LONP1: variants seen among roughly 807,000 people sequenced by gnomAD.
LONP1 encodes the protein lon protease homolog, mitochondrial.
LONP1 carries 31 observed loss-of-function variants against 98.5 expected under a neutral mutation model. The ratio of observed to expected loss-of-function variants is 0.31; its 90% CI spans 0.24 to 0.42. The LOEUF (loss-of-function observed/expected upper bound fraction) is 0.42. Ranked by LOEUF, LONP1 falls within the 20% of genes least tolerant of loss-of-function variation. The pLI is 1.00. For synonymous variants in LONP1, 781 were observed against 594.7 expected (o/e 1.31, Z -4.56); for missense variants, 1,336 against 1,350.6 (o/e 0.99, Z 0.17).
chr19:5,704,989 C>T (rs1486030248), intron 8 of LONP1, among the ~76,000 whole-genome samples: 2 of 152,058 alleles, frequency 1.3e-5, no homozygotes, highest in East Asian at 3.9e-4. Context: ...GGCAAAACCC[C>T]ATCTCTACTA....
chr19:5,708,503 T>TAAAGTATGGGGCAGGGTCGCTGGGGCC, intron 4 of LONP1, 100 bp from the exon 5 acceptor site: 1 of 903,662 alleles, frequency 1.1e-6, no homozygotes, highest in Non-Finnish European at 1.7e-6. Context: ...ACCAGCTCCA[T>TAAAGTATGGGGCAGGGTCGCTGGGGCC]CAACTCCCTC....
At chr19:5,697,484 A>ATGAGGC (rs999020604) in intron 10 of LONP1, among the ~76,000 whole-genome samples, 11 of 145,388 alleles carry the variant, frequency 7.6e-5, no homozygotes, top group East Asian at 4.3e-4. Context: ...TGAGGAGGCC[A>ATGAGGC]TGAGGCTGAG....
At chr19:5,693,038 C>A (rs2054857495) in intron 17 of LONP1, among the ~76,000 whole-genome samples, 1 of 152,182 alleles carries the variant, frequency 6.6e-6, no homozygotes, top group African/African-American at 2.4e-5. Flanking sequence ...GCTGGGCTGC[C>A]TGGGAAGAGA....
chr19:5,691,877 T>A lies in LONP1; in HGVS notation c.*155A>T, dbSNP rs144786113. 2.6e-5 allele frequency: 23 copies of A among 883,060 alleles called. No homozygotes were observed. The highest frequency in any genetic ancestry group is 1.3e-4 in the African/African-American group (8 of 59,996). The allele number at this position is 883,060 out of a possible 1,614,324, so 54.7% of individuals were successfully genotyped here. Reference sequence around the variant, plus strand: ...TCATTAAATAGCTTCTATGCCACACTCTGATTAAGCCGACTGAGGTCCCTG... The same window carrying A: ...TCATTAAATAGCTTCTATGCCACACACTGATTAAGCCGACTGAGGTCCCTG... On this transcript the variant is annotated 3_prime_UTR_variant, in exon 18 of 18. Coordinates refer to ENST00000360614, the MANE Select transcript of LONP1 (RefSeq NM_004793.4).
At position 5,696,324 on chromosome 19, in the gene LONP1, C is replaced by T. The variant is rs763573492; in HGVS notation, c.1821G>A (p.Leu607=). 6 of 1,613,266 alleles carry T rather than the reference C, an allele frequency of 3.7e-6. No individual in the cohort carries two copies. The Admixed American group carries it at 1.0e-4, about 27-fold the overall frequency. ...TCTGCTCTGGGTCCAGCAGCTCCAG[C>T]AGTGCCGACGACGGGTCCCCCTGGT... ...RGYQGDPSSA[L]LELLDPEQNA... is the part of the protein sequence containing the mutation. The change falls in exon 12 of 18, where the codon CTG becomes CTA. Residue 607 remains leucine (L), a synonymous_variant. Coordinates refer to ENST00000360614, the MANE Select transcript of LONP1 (RefSeq NM_004793.4).
At chr19:5,693,192 G>A (rs958067931) in intron 17 of LONP1, 106 bp downstream of exon 17, 2 of 1,395,656 alleles carry the variant, frequency 1.4e-6, no homozygotes, top group Non-Finnish European at 1.9e-6. Flanking sequence ...AAAGCCCAGG[G>A]CTTCCCTCTC....
intron 8 of LONP1, 26 bp from the exon 9 acceptor site, chr19:5,700,953 C>T (rs2080172757): frequency 6.2e-7 from 1 of 1,613,352 alleles, no homozygotes; most frequent in African/African-American, 1.3e-5. Context: ...TGGAGAGATG[C>T]TGAGTGGAGC....
At chr19:5,713,322 G>T in intron 2 of LONP1, 69 bp from the exon 3 acceptor site, 2 of 1,508,926 alleles carry the variant, frequency 1.3e-6, no homozygotes, top group Non-Finnish European at 9.1e-7. Flanking sequence ...CTCTGGCTGA[G>T]ATGGAGGAGG....
rs748243875 is a variant in LONP1, at chr19:5,696,261, C to T, written c.1884G>A (p.Val628=). The T allele has an allele frequency of 6.2e-7, 1 of 1,613,336 alleles. No homozygotes were observed. Among genetic ancestry groups the T allele is most frequent in the East Asian group, 2.2e-5 (1 of 44,876 alleles). The change falls in exon 12 of 18, where the codon GTG becomes GTA. Residue 628 remains valine, a synonymous_variant. Transcript: ENST00000360614. ...NFLDHYLDVP[V]DLSKVLFICT... is the part of the protein sequence containing the mutation. ...ACAGGCCCCCCACCTTGGACAAGTC[C>T]ACGGGCACGTCCAGGTAGTGGTCCA...
At chr19:5,712,343 G>C (rs1315754914) in intron 3 of LONP1, 3 of 288,280 alleles carry the variant, frequency 1.0e-5, no homozygotes, top group African/African-American at 2.2e-5. Context: ...GGCACAGGCT[G>C]GTCTCCAAGA....
rs763238020 is a variant in LONP1, at chr19:5,707,184, G to C, written c.1063-41C>G. 2.6e-6 allele frequency: 4 copies of C among 1,565,626 alleles called. 1 individual carries two copies. In the South Asian group the frequency reaches 4.5e-5, roughly 18 times the overall value. ...GGACAGAAAGGATGAGCAGAAGTCG[G>C]CATCTGTGTGTGTAGGGCCGAGGTT... On this transcript the variant is annotated intron_variant, in intron 6 of 17. Coordinates refer to ENST00000360614, the MANE Select transcript of LONP1 (RefSeq NM_004793.4).
rs750703032 is a variant in LONP1, at chr19:5,707,072, G to C, written c.1134C>G (p.Arg378=). 3 of 1,611,884 alleles carry C rather than the reference G, an allele frequency of 1.9e-6. No homozygotes were observed. Among genetic ancestry groups the C allele is most frequent in the Non-Finnish European group, 2.5e-6 (3 of 1,179,688 alleles). ...GCCGCGGGCTCACCTCCCGCCCCAG[G>C]CGCTGCTGCAGCTTGCTCAGTTCAA... ...KEFELSKLQQ[R]LGREVEEKIK... The change falls in exon 7 of 18, where the codon CGC becomes CGG. Residue 378 remains arginine, a synonymous_variant. Transcript: ENST00000360614.
intron 4 of LONP1, among the ~76,000 whole-genome samples, chr19:5,710,871 C>G (rs1406901168): frequency 6.6e-6 from 1 of 151,946 alleles, no homozygotes; most frequent in African/African-American, 2.4e-5. Context: ...ACTAAAAATA[C>G]AAAAATTAGC....
At chr19:5,693,823 C>T (rs2054876121) in intron 15 of LONP1, 54 bp from the exon 16 acceptor site, 1 of 1,474,308 alleles carries the variant, frequency 6.8e-7, no homozygotes, top group East Asian at 2.4e-5. Flanking sequence ...CAGGCCGGTG[C>T]TCACTCCACC....
chr19:5,692,380 T>C lies in LONP1; in HGVS notation c.2704-172A>G. On this transcript the variant is annotated intron_variant, in intron 17 of 17. Coordinates refer to ENST00000360614, the MANE Select transcript of LONP1 (RefSeq NM_004793.4). Reference sequence around the variant, plus strand: ...CCCCGTCTCCCACGGGGAAACAGGCTCAAGGCAAAACCACTGGCCTTGGCT... The same window carrying C: ...CCCCGTCTCCCACGGGGAAACAGGCCCAAGGCAAAACCACTGGCCTTGGCT... 5.1e-6 allele frequency: 3 copies of C among 584,924 alleles called. No homozygotes were observed. The South Asian group carries it at 7.6e-5, about 15-fold the overall frequency. 36.2% of individuals were successfully genotyped at this position (584,924 alleles called of 1,614,324 possible). A position where few individuals can be genotyped will look rare whatever the true frequency, so the allele number is the denominator to read the frequency against.
chr19:5,715,676 A>AAAAAAAAAAAAG (rs2055307216), intron 1 of LONP1, among the ~76,000 whole-genome samples: 1 of 132,130 alleles, frequency 7.6e-6, no homozygotes, highest in African/African-American at 2.8e-5. Flanking sequence ...AAAAAAAAAA[A>AAAAAAAAAAAAG]AAAGAAAGTT....
Position 5,700,802 on chromosome 19 carries a change from T to C in LONP1, c.1493A>G (p.Lys498Arg), listed in dbSNP as rs1439723140. ...CACTGGGCTCACCAGGATGCGTTTC[T>C]TGACGTCCTCCATGCCGTAGTGGTC... ...EEDHYGMEDV[K>R]KRILEFIAVS... The change falls in exon 9 of 18, where the codon AAG becomes AGG. Residue 498 changes from lysine (K) to arginine (R), a missense_variant. Around this residue, in one of 5 missense-constraint regions of LONP1, gnomAD observed 219 missense variants for 241.0 expected, o/e 0.91. Transcript: ENST00000360614. 1 of 1,614,182 alleles carries C rather than the reference T, an allele frequency of 6.2e-7. No homozygotes were observed. Among genetic ancestry groups the C allele is most frequent in the Admixed American group, 1.7e-5 (1 of 60,024 alleles).
At chr19:5,699,722 T>C (rs1299465198) in intron 9 of LONP1, among the ~76,000 whole-genome samples, 1 of 151,572 alleles carries the variant, frequency 6.6e-6, no homozygotes. Flanking sequence ...CATGCCTGGC[T>C]ACTTTTTTTG....
chr19:5,708,768 C>T (rs2055189557), intron 4 of LONP1: 1 of 184,830 alleles, frequency 5.4e-6, no homozygotes, highest in Non-Finnish European at 1.2e-5. Flanking sequence ...AATCCAAGCA[C>T]TTTGGGAGGC....
Sources: gnomAD v4.1 joint callset for allele counts (sites outside exome capture counted in the v4.1 genomes callset) on GRCh38, gnomAD v4.1.1 for gene constraint, gnomAD v4.1.1 regional missense constraint, MANE v1.5 for transcripts, NCBI Gene and HGNC (gene_info 2026-07-23, HGNC 2026-07-21) for gene names.